The following ITGA2 variants were observed in gnomAD, a reference collection of about 807,000 sequenced individuals.
ITGA2 encodes integrin alpha-2.
In ITGA2, 101 loss-of-function variants were observed where a neutral mutation model predicts 146.3. The ratio of observed to expected loss-of-function variants is 0.69; its 90% CI spans 0.59 to 0.81. The LOEUF (loss-of-function observed/expected upper bound fraction) is 0.81. Ranked by LOEUF, ITGA2 falls within the 40% of genes least tolerant of loss-of-function variation. The pLI, the probability that ITGA2 is intolerant of heterozygous loss-of-function variation, is 0.00. For synonymous variants in ITGA2, 477 were observed against 487.1 expected, an observed-to-expected ratio of 0.98 and a Z score of 0.27; for missense variants, 1,281 against 1,402.7, an observed-to-expected ratio of 0.91 and a Z score of 1.39.
At chr5:53,049,240 G>A (rs1463485698) in intron 6 of ITGA2, among the ~76,000 whole-genome samples, 1 of 150,274 alleles carries the variant, frequency 6.7e-6, no homozygotes, top group Non-Finnish European at 1.5e-5. Context: ...TTGAACTCCT[G>A]ACCTCAGGTG....
chr5:53,008,957 G>T (rs1055144366), intron 1 of ITGA2, among the ~76,000 whole-genome samples: 2 of 152,108 alleles, frequency 1.3e-5, no homozygotes, highest in Non-Finnish European at 2.9e-5. Context: ...ACGAGTATGA[G>T]CATGTGTCTA....
In ITGA2 at chr5:53,048,694, T is replaced by C; in HGVS notation, c.554T>C (p.Ile185Thr). The stretch of plus-strand genomic sequence containing the variant: ...GTTGTGTGTGATGAATCAAATAGTA[T>C]TTATCCTTGGGATGCAGTAAAGAAT... The part of the protein sequence containing the change: ...VVVVCDESNS[I>T]YPWDAVKNFL... Residue 185 changes from isoleucine to threonine, a missense_variant, in exon 6 of 30, where the codon ATT becomes ACT. This residue lies in a region of ITGA2 where 795 missense variants were observed against 841.7 expected (regional missense o/e 0.94). Transcript: ENST00000296585. 3 of 1,614,106 alleles carry C rather than the reference T, an allele frequency of 1.9e-6. No individual in the cohort carries two copies. The highest frequency in any genetic ancestry group is 2.5e-6 in the Non-Finnish European group (3 of 1,179,964).
At chr5:52,996,909 T>C (rs563266741) in intron 1 of ITGA2, among the ~76,000 whole-genome samples, 30 of 152,346 alleles carry the variant, frequency 2.0e-4, no homozygotes, top group Non-Finnish European at 4.0e-4. Context: ...GTGTTGTCTC[T>C]GAAAGATTTT....
chr5:53,078,760 A>T lies in ITGA2; in HGVS notation c.2826-12A>T, dbSNP rs886060661. 6 of 1,502,744 alleles carry T rather than the reference A, an allele frequency of 4.0e-6. No individual in the cohort carries two copies. The highest frequency in any genetic ancestry group is 1.7e-5 in the Admixed American group (1 of 59,712). 93.1% of individuals were successfully genotyped at this position (1,502,744 alleles called of 1,614,324 possible). A position where few individuals can be genotyped will look rare whatever the true frequency, so the allele number is the denominator to read the frequency against. On this transcript the variant is annotated splice_polypyrimidine_tract_variant and intron_variant, in intron 23 of 29. Coordinates refer to ENST00000296585, the MANE Select transcript of ITGA2 (RefSeq NM_002203.4). ...AACTAAAATATTTGGCTTTACAAACATCATCCAACAGATCTACCAACATAA... is the reference window on the plus strand; with the variant it reads ...AACTAAAATATTTGGCTTTACAAACTTCATCCAACAGATCTACCAACATAA...
At position 53,046,150 on chromosome 5, in the gene ITGA2, G is replaced by A. The variant is rs993155217; in HGVS notation, c.387+1058G>A. 3.5e-5 allele frequency among the ~76,000 whole-genome samples: 5 copies of A among 143,100 alleles called. No individual in the cohort carries two copies. In the South Asian group the frequency reaches 6.7e-4, roughly 19 times the overall value. The allele number at this position is 143,100 out of a possible 152,430, so 93.9% of individuals were successfully genotyped here. On this transcript the variant is annotated intron_variant, in intron 4 of 29. Transcript: ENST00000296585. ...AAGTTGCATGCACTGAGCCGAGATC[G>A]TGCCACTGCACTCCAGCCTAAGCGA...
At chr5:53,068,927 C>T (rs557368536) in intron 16 of ITGA2, among the ~76,000 whole-genome samples, 1 of 148,410 alleles carries the variant, frequency 6.7e-6, no homozygotes, top group East Asian at 2.1e-4. Flanking sequence ...CTGCACTCAC[C>T]TCCTTGCCAT....
intron 28 of ITGA2, among the ~76,000 whole-genome samples, chr5:53,088,703 A>AAG (rs1383047878): frequency 7.9e-5 from 12 of 151,718 alleles, no homozygotes; most frequent in African/African-American, 2.9e-4. Context: ...AAAAAAAAAA[A>AAG]AGTAAAGAGA....
At chr5:53,017,759 C>T (rs1454428285) in intron 1 of ITGA2, among the ~76,000 whole-genome samples, 1 of 152,108 alleles carries the variant, frequency 6.6e-6, no homozygotes, top group Middle Eastern at 3.2e-3. Context: ...CACACATCAG[C>T]TGGGGGTATG....
At position 53,059,765 on chromosome 5, in the gene ITGA2, C is replaced by A. The variant is rs1318100913; in HGVS notation, c.1174-109C>A. The stretch of plus-strand genomic sequence containing the variant: ...TGTCAATATATGTTCATATATATTT[C>A]ATCATTTTTAATAAATCTAAACAAC... On this transcript the variant is annotated intron_variant, in intron 10 of 29. Coordinates refer to ENST00000296585, the MANE Select transcript of ITGA2 (RefSeq NM_002203.4). The A allele has an allele frequency of 4.0e-6, 4 of 1,012,478 alleles. No homozygotes were observed. In the African/African-American group the frequency reaches 6.4e-5, roughly 16 times the overall value. The allele number at this position is 1,012,478 out of a possible 1,614,324, so 62.7% of individuals were successfully genotyped here.
At chr5:53,034,929 G>A (rs1579829219) in intron 2 of ITGA2, among the ~76,000 whole-genome samples, 1 of 152,166 alleles carries the variant, frequency 6.6e-6, no homozygotes, top group South Asian at 2.1e-4. Flanking sequence ...AAGGGCAGGG[G>A]TGCAGATATA....
intron 4 of ITGA2, among the ~76,000 whole-genome samples, chr5:53,047,739 A>C (rs943067014): frequency 6.6e-6 from 1 of 152,158 alleles, no homozygotes; most frequent in Non-Finnish European, 1.5e-5. Context: ...TGATGTCTAT[A>C]CCTGACCCCA....
intron 1 of ITGA2, among the ~76,000 whole-genome samples, chr5:53,014,503 G>A (rs1742307491): frequency 6.6e-6 from 1 of 152,072 alleles, no homozygotes; most frequent in Non-Finnish European, 1.5e-5. Flanking sequence ...TGGCTTACTG[G>A]TACTTTATTG....
At chr5:53,067,051 G>C in intron 15 of ITGA2, 67 bp from the exon 16 acceptor site, 1 of 1,527,412 alleles carries the variant, frequency 6.5e-7, no homozygotes, top group Non-Finnish European at 9.0e-7. Flanking sequence ...GGTCCTCTAT[G>C]ATAAAGGATA....
chr5:53,005,337 A>C (rs1177240877), intron 1 of ITGA2, among the ~76,000 whole-genome samples: 1 of 152,094 alleles, frequency 6.6e-6, no homozygotes, highest in Non-Finnish European at 1.5e-5. Context: ...GTTAGAGATG[A>C]AAGTGGGGGC....
rs201859025 is a variant in ITGA2, at chr5:53,056,144, T to C, written c.1091T>C (p.Ile364Thr). Reference protein sequence around the residue: ...AGTLGEQIFSIEGTVQGGDNF... With the variant: ...AGTLGEQIFSTEGTVQGGDNF... ...ACATTAGGAGAACAAATTTTCAGCA[T>C]TGAAGGTAAAAAAAATAACCTCCTT... Residue 364 changes from isoleucine to threonine, a missense_variant, in exon 9 of 30, where the codon ATT becomes ACT. By Grantham distance (89) the Ile-to-Thr change is moderately conservative. This residue lies in a region of ITGA2 where 795 missense variants were observed against 841.7 expected (regional missense o/e 0.94). Coordinates refer to ENST00000296585, the MANE Select transcript of ITGA2 (RefSeq NM_002203.4). The C allele has an allele frequency of 3.1e-6, 5 of 1,611,040 alleles. No individual in the cohort carries two copies. Among genetic ancestry groups the C allele is most frequent in the East Asian group, 4.5e-5 (2 of 44,660 alleles).
Position 53,081,624 on chromosome 5 carries a change from T to C in ITGA2, c.3072T>C (p.Asn1024=), listed in dbSNP as rs1745921097. The C allele has an allele frequency of 1.2e-6, 2 of 1,612,938 alleles. No homozygotes were observed. Among genetic ancestry groups the C allele is most frequent in the African/African-American group, 1.3e-5 (1 of 74,878 alleles). ...AGDISCNADI[N]PLKIGQTSSS... is the part of the protein sequence containing the mutation. ...ACATCAGTTGTAATGCAGATATCAA[T>C]CCACTGAAAATAGGACAAACATCTT... The change falls in exon 26 of 30, where the codon AAT becomes AAC. Residue 1024 remains asparagine (N), a synonymous_variant. Transcript: ENST00000296585.
intron 2 of ITGA2, among the ~76,000 whole-genome samples, chr5:53,036,341 T>C (rs1743492394): frequency 6.6e-6 from 1 of 152,098 alleles, no homozygotes; most frequent in African/African-American, 2.4e-5. Flanking sequence ...CCAATGGCAT[T>C]CTCATTTCCC....
chr5:53,088,701 AAAAGT>A (rs1158186921), intron 28 of ITGA2, among the ~76,000 whole-genome samples: 13 of 151,914 alleles, frequency 8.6e-5, no homozygotes, highest in African/African-American at 2.4e-4. Flanking sequence ...AAAAAAAAAA[AAAAGT>A]AAAGAGAAAG....
intron 1 of ITGA2, among the ~76,000 whole-genome samples, chr5:53,013,916 G>C (rs1672358381): frequency 6.6e-6 from 1 of 152,006 alleles, no homozygotes. Context: ...GACGTTATTG[G>C]TGTATAGGAA....
Sources: gnomAD v4.1 joint callset for allele counts (sites outside exome capture counted in the v4.1 genomes callset) on GRCh38, gnomAD v4.1.1 for gene constraint, gnomAD v4.1.1 regional missense constraint, MANE v1.5 for transcripts, NCBI Gene and HGNC (gene_info 2026-07-23, HGNC 2026-07-21) for gene names.